ROBO2: variants seen among roughly 807,000 people sequenced by gnomAD.
ROBO2 encodes roundabout guidance receptor 2.
ROBO2 carries 53 observed loss-of-function variants against 160.8 expected under a neutral mutation model. That is an observed-to-expected ratio of 0.33 (90% CI 0.26 to 0.41). ROBO2 has a LOEUF of 0.41. Among genes scored for constraint, ROBO2 ranks in the 10% least tolerant of loss-of-function variants. The pLI is 1.00. For synonymous variants in ROBO2, 664 were observed against 611.7 expected (o/e 1.09, Z -1.26); for missense variants, 1,577 against 1,722.4 (o/e 0.92, Z 1.49).
intron 4 of ROBO2, among the ~76,000 whole-genome samples, chr3:77,490,827 C>A (rs544082986): frequency 6.6e-6 from 1 of 152,154 alleles, no homozygotes; most frequent in African/African-American, 2.4e-5. Flanking sequence ...CAGTTTTGAT[C>A]TCTCTTGTCT....
chr3:76,560,648 C>A (rs1419791389), intron 2 of ROBO2, among the ~76,000 whole-genome samples: 1 of 149,798 alleles, frequency 6.7e-6, no homozygotes, highest in Admixed American at 6.7e-5. Flanking sequence ...AAAGAAAACT[C>A]ACATTACTGA....
At chr3:76,484,100 C>T (rs555969714) in intron 2 of ROBO2, among the ~76,000 whole-genome samples, 2 of 152,198 alleles carry the variant, frequency 1.3e-5, no homozygotes, top group South Asian at 2.1e-4. Context: ...ATTGCTGTGT[C>T]GAATGATATT....
intron 2 of ROBO2, among the ~76,000 whole-genome samples, chr3:76,582,187 A>G (rs1215207014): frequency 1.3e-5 from 2 of 152,200 alleles, no homozygotes; most frequent in African/African-American, 2.4e-5. Flanking sequence ...TATTGGTATC[A>G]TAAATCCAAA....
At chr3:76,050,357 G>A (rs1222498861) in intron 2 of ROBO2, among the ~76,000 whole-genome samples, 1 of 152,080 alleles carries the variant, frequency 6.6e-6, no homozygotes, top group African/African-American at 2.4e-5. Flanking sequence ...GGGCTCTCAG[G>A]TCTTCAGCCA....
At chr3:76,359,556 G>A (rs188972269) in intron 2 of ROBO2, among the ~76,000 whole-genome samples, 5 of 151,952 alleles carry the variant, frequency 3.3e-5, no homozygotes, top group Non-Finnish European at 7.4e-5. Flanking sequence ...CTCCTGTTAC[G>A]CACAATGGTA....
In ROBO2 at chr3:76,435,471, G is replaced by T. The variant is rs1468478287; in HGVS notation, c.109+497869G>T. 6.9e-6 allele frequency: 5 copies of T among 728,368 alleles called. No individual in the cohort carries two copies. The Admixed American group carries it at 7.8e-5, about 11-fold the overall frequency. 45.1% of individuals were successfully genotyped at this position (728,368 alleles called of 1,614,324 possible). A position where few individuals can be genotyped will look rare whatever the true frequency, so the allele number is the denominator to read the frequency against. On this transcript the variant is annotated intron_variant, in intron 2 of 26. Transcript: ENST00000487694. Reference sequence around the variant, plus strand: ...TCTTTGCCCTCCCTTCACACCGTGGGATAAATCTGTATCAAGATGGTTCTT... The same window carrying T: ...TCTTTGCCCTCCCTTCACACCGTGGTATAAATCTGTATCAAGATGGTTCTT...
chr3:75,943,997 A>T (rs1302600288), intron 2 of ROBO2, among the ~76,000 whole-genome samples: 1 of 152,104 alleles, frequency 6.6e-6, no homozygotes, highest in African/African-American at 2.4e-5. Flanking sequence ...CACCAGGGCC[A>T]GGCTAAGCTA....
intron 2 of ROBO2, among the ~76,000 whole-genome samples, chr3:77,015,020 C>T (rs2062151579): frequency 6.6e-6 from 1 of 151,504 alleles, no homozygotes; most frequent in South Asian, 2.1e-4. Flanking sequence ...ATTGTTCCTA[C>T]ATCTAAAAGT....
chr3:77,201,237 T>A (rs964769163), intron 2 of ROBO2, among the ~76,000 whole-genome samples: 1 of 152,294 alleles, frequency 6.6e-6, no homozygotes, highest in Non-Finnish European at 1.5e-5. Flanking sequence ...AACCCAGAAC[T>A]TTCTAGATTT....
chr3:77,440,770 T>C (rs1025775956), intron 2 of ROBO2, among the ~76,000 whole-genome samples: 2 of 152,216 alleles, frequency 1.3e-5, no homozygotes, highest in African/African-American at 2.4e-5. Flanking sequence ...GTAAAATCTT[T>C]GAAATTGTTC....
chr3:76,155,537 G>A (rs2072373488), intron 2 of ROBO2, among the ~76,000 whole-genome samples: 1 of 152,164 alleles, frequency 6.6e-6, no homozygotes, highest in Non-Finnish European at 1.5e-5. Flanking sequence ...AACCAAACAA[G>A]AAGGGATTAC....
Position 77,550,852 on chromosome 3 carries a change from A to G in ROBO2, c.1094A>G (p.Asn365Ser), listed in dbSNP as rs1449731919. Residue 365 changes from asparagine to serine, a missense_variant, in exon 8 of 26, where the codon AAC becomes AGC. Asn to Ser is a conservative substitution (Grantham distance 46). Coordinates refer to ENST00000461745, the Ensembl canonical transcript of ROBO2. ...TTCCCAAACCAACCCCAGCAGCCCA[A>G]CAGTAGATGCTCAGTGTCACCAACT... The G allele has an allele frequency of 3.1e-6, 5 of 1,612,972 alleles. No individual in the cohort carries two copies. Among genetic ancestry groups the G allele is most frequent in the African/African-American group, 2.7e-5 (2 of 74,820 alleles).
rs914290616 is a variant in ROBO2, at chr3:76,666,677, A to G, written c.110-431337A>G. The stretch of plus-strand genomic sequence containing the variant: ...TTCACATCTAATATCTCATCCCACC[A>G]TCAAAACCTTCCTGGCTCTTAGGCT... On this transcript the variant is annotated intron_variant, in intron 2 of 26. Transcript: ENST00000487694. Among the ~76,000 whole-genome samples the G allele has an allele frequency of 2.0e-5, 3 of 152,022 alleles. No individual in the cohort carries two copies. The East Asian group carries it at 5.8e-4, about 29-fold the overall frequency.
chr3:77,185,239 C>T (rs1244722951), intron 2 of ROBO2, among the ~76,000 whole-genome samples: 1 of 151,898 alleles, frequency 6.6e-6, no homozygotes, highest in African/African-American at 2.4e-5. Context: ...AGTGGATAGG[C>T]ATCTTAGATT....
At chr3:77,068,018 G>T (rs1254178125) in intron 1 of ROBO2, among the ~76,000 whole-genome samples, 2 of 151,768 alleles carry the variant, frequency 1.3e-5, no homozygotes, top group East Asian at 3.9e-4. Flanking sequence ...GTTTCTCTTT[G>T]TGTTATTATT....
intron 2 of ROBO2, among the ~76,000 whole-genome samples, chr3:77,205,129 C>T (rs2083295692): frequency 6.6e-6 from 1 of 152,174 alleles, no homozygotes; most frequent in African/African-American, 2.4e-5. Flanking sequence ...TGTTAACCAG[C>T]TCAGTGGAAC....
rs1197660932 is a variant in ROBO2, at chr3:77,182,524, C to A, written c.388+84184C>A. ...ACAGGGGAAGGATTGAATTCGAGCCCGTTCTTTTGAATAATACATGAAAGA... is the reference window on the plus strand; with the variant it reads ...ACAGGGGAAGGATTGAATTCGAGCCAGTTCTTTTGAATAATACATGAAAGA... On this transcript the variant is annotated intron_variant, in intron 2 of 25. Transcript: ENST00000461745. Among the ~76,000 whole-genome samples the A allele has an allele frequency of 3.9e-5, 6 of 152,094 alleles. No individual in the cohort carries two copies. In the East Asian group the frequency reaches 1.2e-3, roughly 29 times the overall value.
intron 2 of ROBO2, among the ~76,000 whole-genome samples, chr3:76,700,256 A>T (rs573490989): frequency 6.6e-6 from 1 of 152,072 alleles, no homozygotes; most frequent in Non-Finnish European, 1.5e-5. Context: ...CCTGGTTTTA[A>T]TTACAACTGT....
intron 2 of ROBO2, among the ~76,000 whole-genome samples, chr3:76,339,354 G>T (rs1232831877): frequency 5.3e-5 from 8 of 152,028 alleles, no homozygotes; most frequent in African/African-American, 1.9e-4. Flanking sequence ...AATGCATTCA[G>T]ATTTTGAAAC....
Sources: allele counts gnomAD v4.1 joint callset (sites outside exome capture counted in the v4.1 genomes callset), GRCh38; gene constraint gnomAD v4.1.1; transcripts MANE v1.5; gene names NCBI Gene and HGNC (gene_info 2026-07-23, HGNC 2026-07-21).